HMGB1: variants seen among roughly 807,000 people sequenced by gnomAD.
HMGB1 encodes high mobility group box 1, also known as high mobility group protein B1.
For missense variants in HMGB1, 79 were observed against 253.5 expected, an observed-to-expected ratio of 0.31 and a Z score of 4.67; for synonymous variants, 81 against 84.0, an observed-to-expected ratio of 0.96 and a Z score of 0.19.
At chr13:30,519,491 C>T (rs191994356) in intron 1 of HMGB1, among the ~76,000 whole-genome samples, 9 of 149,948 alleles carry the variant, frequency 6.0e-5, no homozygotes, top group South Asian at 2.1e-4. Flanking sequence ...GTCAGGAGAT[C>T]GAGACCATCC....
At chr13:30,481,006 T>G (rs1887213909) in intron 1 of HMGB1, among the ~76,000 whole-genome samples, 1 of 151,500 alleles carries the variant, frequency 6.6e-6, no homozygotes, top group Non-Finnish European at 1.5e-5. Flanking sequence ...TTTAAAGAGG[T>G]GTAATATTAG....
At chr13:30,605,555 G>C (rs1175018772) in intron 1 of HMGB1, among the ~76,000 whole-genome samples, 2 of 152,214 alleles carry the variant, frequency 1.3e-5, no homozygotes, top group Admixed American at 1.3e-4. Context: ...CACCAGGTCT[G>C]GCAACATGGA....
At chr13:30,572,165 G>A (rs1870464919) in intron 1 of HMGB1, among the ~76,000 whole-genome samples, 1 of 152,158 alleles carries the variant, frequency 6.6e-6, no homozygotes, top group Non-Finnish European at 1.5e-5. Context: ...GGCAGAGGTG[G>A]GACTGTTCAT....
chr13:30,548,901 T>A (rs189009384), intron 1 of HMGB1, among the ~76,000 whole-genome samples: 5 of 152,300 alleles, frequency 3.3e-5, no homozygotes, highest in Non-Finnish European at 7.4e-5. Context: ...CTGGAAGCGG[T>A]CCCTATTAAC....
intron 1 of HMGB1, among the ~76,000 whole-genome samples, chr13:30,548,546 C>A (rs890956574): frequency 6.6e-6 from 1 of 152,214 alleles, no homozygotes; most frequent in African/African-American, 2.4e-5. Context: ...CAAGTTACAT[C>A]AAGATCTGTG....
chr13:30,518,755 A>G (rs564586176), intron 1 of HMGB1, among the ~76,000 whole-genome samples: 13 of 148,616 alleles, frequency 8.7e-5, no homozygotes, highest in South Asian at 6.4e-4. Context: ...CCTAGGATGG[A>G]GCACAGTGTC....
rs75023269 is a variant in HMGB1, at chr13:30,542,703, T to G, written c.-15+73968A>C. On this transcript the variant is annotated intron_variant, in intron 1 of 4. Transcript: ENST00000405805. The stretch of plus-strand genomic sequence containing the variant: ...GCTTCCTGTTCCTTGGATTTCCCAA[T>G]GAATGAAAATTCCTCATCCGCCTCA... The G allele has an allele frequency of 2.0e-4, 41 of 210,076 alleles. No homozygotes were observed. The East Asian group carries it at 4.5e-3, about 23-fold the overall frequency. 13.0% of individuals were successfully genotyped at this position (210,076 alleles called of 1,614,324 possible). A position where few individuals can be genotyped will look rare whatever the true frequency, so the allele number is the denominator to read the frequency against.
chr13:30,484,695 C>A lies in HMGB1; in HGVS notation c.-14-21001G>T, dbSNP rs146498192. Among the ~76,000 whole-genome samples the A allele has an allele frequency of 9.2e-3, 1,386 of 150,776 alleles. 10 individuals are homozygous for A. The highest frequency in any genetic ancestry group is 0.028 in the African/African-American group (1,135 of 41,000). Reference sequence around the variant, plus strand: ...AACTAGCCTAGGAAACATTGTGAGACCCTGTCTCAAAAAAAGAAAGAGAGA... The same window carrying A: ...AACTAGCCTAGGAAACATTGTGAGAACCTGTCTCAAAAAAAGAAAGAGAGA... On this transcript the variant is annotated intron_variant, in intron 1 of 4. Coordinates refer to the HMGB1 transcript ENST00000405805.
intron 1 of HMGB1, among the ~76,000 whole-genome samples, chr13:30,516,117 A>G (rs2137468743): frequency 6.6e-6 from 1 of 152,338 alleles, no homozygotes. Context: ...TTTTTAATAC[A>G]GCATCTCCCA....
At position 30,546,209 on chromosome 13, in the gene HMGB1, G is replaced by A. The variant is rs536777957; in HGVS notation, c.-15+70462C>T. 8.5e-5 allele frequency among the ~76,000 whole-genome samples: 13 copies of A among 152,200 alleles called. No homozygotes were observed. The East Asian group carries it at 9.7e-4, about 11-fold the overall frequency. ...CAGCCCACTGTAATCTCTGCCTCCC[G>A]GGTTCAAGCAATTCCCCTGCCTCAG... On this transcript the variant is annotated intron_variant, in intron 1 of 4. Transcript: ENST00000405805.
chr13:30,585,580 A>AG (rs950999923), intron 1 of HMGB1, among the ~76,000 whole-genome samples: 6 of 151,930 alleles, frequency 3.9e-5, no homozygotes, highest in Admixed American at 2.0e-4. Context: ...CGGGAGGCTG[A>AG]GGGGGGAGAA....
At chr13:30,490,300 T>C (rs1887457672) in intron 1 of HMGB1, among the ~76,000 whole-genome samples, 1 of 152,142 alleles carries the variant, frequency 6.6e-6, no homozygotes. Context: ...CAAAGAGTCA[T>C]ATGAGATAAG....
chr13:30,482,655 C>T (rs887977832), intron 1 of HMGB1, among the ~76,000 whole-genome samples: 3 of 152,102 alleles, frequency 2.0e-5, no homozygotes, highest in African/African-American at 4.8e-5. Context: ...CCGTTCTGGC[C>T]TTTGTCATTA....
At chr13:30,479,706 T>G (rs529012299) in intron 1 of HMGB1, among the ~76,000 whole-genome samples, 4 of 152,298 alleles carry the variant, frequency 2.6e-5, no homozygotes, top group South Asian at 4.1e-4. Context: ...CTCAGCTGCT[T>G]CCATAAAATG....
At chr13:30,561,363 G>T (rs1345012867) in intron 1 of HMGB1, among the ~76,000 whole-genome samples, 1 of 152,096 alleles carries the variant, frequency 6.6e-6, no homozygotes, top group African/African-American at 2.4e-5. Context: ...AAGAATAGGA[G>T]AAGTTCCCCA....
rs901624918 is a variant in HMGB1, at chr13:30,460,013, T to G, written c.*1344A>C. ...AAAGCGTGTAAAATTACAAGAACGCTATTTTAAAATACTGGCACTTTAAGA... is the reference window on the plus strand; with the variant it reads ...AAAGCGTGTAAAATTACAAGAACGCGATTTTAAAATACTGGCACTTTAAGA... On this transcript the variant is annotated 3_prime_UTR_variant, in exon 5 of 5. Coordinates refer to ENST00000341423, the MANE Select transcript of HMGB1 (RefSeq NM_002128.7). The G allele has an allele frequency of 1.5e-4, 23 of 152,712 alleles. No individual in the cohort carries two copies. The highest frequency in any genetic ancestry group is 1.4e-3 in the Admixed American group (21 of 15,304). The allele number at this position is 152,712 out of a possible 1,614,324, so 9.5% of individuals were successfully genotyped here.
rs143984318 is a variant in HMGB1, at chr13:30,462,661, T to C, written c.348A>G (p.Glu116=). The C allele has an allele frequency of 1.2e-6, 2 of 1,612,900 alleles. No individual in the cohort carries two copies. The highest frequency in any genetic ancestry group is 1.1e-5 in the South Asian group (1 of 91,066). ...CSEYRPKIKG[E]HPGLSIGDVA... ...CATCACCAATGGACAGGCCAGGATG[T>C]TCTCCTTTGATTTTTGGGCGATACT... is the stretch of plus-strand genomic sequence containing the variant. Residue 116 remains glutamate (E), a synonymous_variant, in exon 4 of 5, where the codon GAA becomes GAG. Transcript: ENST00000341423.
chr13:30,595,964 G>A (rs1212958706), intron 1 of HMGB1, among the ~76,000 whole-genome samples: 3 of 152,220 alleles, frequency 2.0e-5, no homozygotes, highest in African/African-American at 7.2e-5. Flanking sequence ...GGAGGGGACT[G>A]CATAAGGGCA....
chr13:30,544,907 C>A (rs993225607), intron 1 of HMGB1, among the ~76,000 whole-genome samples: 1 of 152,202 alleles, frequency 6.6e-6, no homozygotes, highest in Non-Finnish European at 1.5e-5. Context: ...GCTTACTGTG[C>A]TCTGTTGGAA....
Sources: gnomAD v4.1 joint callset for allele counts (sites outside exome capture counted in the v4.1 genomes callset) on GRCh38, gnomAD v4.1.1 for gene constraint, MANE v1.5 for transcripts, NCBI Gene and HGNC (gene_info 2026-07-23, HGNC 2026-07-21) for gene names.